The following DHX37 variants were observed in gnomAD, a reference collection of about 807,000 sequenced individuals.
DHX37 encodes probable ATP-dependent RNA helicase DHX37.
DHX37 carries 52 observed loss-of-function variants against 134.3 expected under a neutral mutation model. The ratio of observed to expected loss-of-function variants is 0.39; its 90% CI spans 0.31 to 0.49. The LOEUF (loss-of-function observed/expected upper bound fraction) is 0.49. Among genes scored for constraint, DHX37 ranks in the 20% least tolerant of loss-of-function variants. DHX37 has a pLI of 0.93. For synonymous variants in DHX37, 634 were observed against 670.7 expected (o/e 0.95, Z 0.85); for missense variants, 1,344 against 1,580.8 (o/e 0.85, Z 2.54).
intron 6 of DHX37, among the ~76,000 whole-genome samples, chr12:124,973,948 A>ATTT (rs71092253): frequency 3.7e-5 from 5 of 134,398 alleles, no homozygotes; most frequent in Admixed American, 7.6e-5. Context: ...CAGTCCCCAA[A>ATTT]TTTTTTTTTT....
Position 124,958,687 on chromosome 12 carries a change from C to T in DHX37, c.2158-1552G>A, listed in dbSNP as rs1398161834. Among the ~76,000 whole-genome samples the T allele has an allele frequency of 3.3e-5, 5 of 152,038 alleles. No homozygotes were observed. The South Asian group carries it at 6.2e-4, about 19-fold the overall frequency. ...TATCGCCCAGGCTAGAGTGCAACGG[C>T]GTGATCTCGGCTCACTGCAACCTCT... is the stretch of plus-strand genomic sequence containing the variant. On this transcript the variant is annotated intron_variant, in intron 16 of 26. Transcript: ENST00000308736.
intron 10 of DHX37, 125 bp from the exon 11 acceptor site, chr12:124,967,343 C>T (rs1954410337): frequency 2.8e-6 from 3 of 1,053,426 alleles, no homozygotes; most frequent in South Asian, 3.1e-5. Flanking sequence ...GACAGGAGTA[C>T]ACAGACATAG....
intron 8 of DHX37, 67 bp from the exon 9 acceptor site, chr12:124,969,035 G>A (rs7954294): frequency 0.03 from 44,709 of 1,491,612 alleles, 792 homozygotes; most frequent in South Asian, 0.04. Flanking sequence ...CTGGGAAATC[G>A]GCATGGGGGT....
intron 1 of DHX37, among the ~76,000 whole-genome samples, chr12:124,988,211 C>G (rs951071295): frequency 1.3e-5 from 2 of 151,982 alleles, no homozygotes; most frequent in Non-Finnish European, 2.9e-5. Flanking sequence ...AGCCCCAGTC[C>G]TCGCCAAGAC....
intron 2 of DHX37, among the ~76,000 whole-genome samples, chr12:124,983,921 G>C (rs1789550888): frequency 6.6e-6 from 1 of 152,222 alleles, no homozygotes; most frequent in Admixed American, 6.5e-5. Flanking sequence ...CCCACGTGCA[G>C]TGGCCTCACC....
chr12:124,952,463 C>T lies in DHX37; in HGVS notation c.2803G>A (p.Asp935Asn). The change falls in exon 21 of 27, where the codon GAC (aspartate) becomes AAC (asparagine). Residue 935 changes from aspartate to asparagine, a missense_variant. Physicochemically the swap from Asp to Asn is conservative, Grantham distance 23. This residue lies in a region of DHX37 where 558 missense variants were observed against 650.0 expected (regional missense o/e 0.86). Coordinates refer to ENST00000308736, the MANE Select transcript of DHX37 (RefSeq NM_032656.4). ...CTCTGGACCCTGCGGGCCAAGTGGT[C>T]CCCCAGGCCTGCCGTCACGATCTGT... ...LRQIVTAGLG[D>N]HLARRVQSEE... The T allele has an allele frequency of 1.2e-6, 2 of 1,611,200 alleles. No individual in the cohort carries two copies. The highest frequency in any genetic ancestry group is 1.7e-6 in the Non-Finnish European group (2 of 1,179,150).
intron 21 of DHX37, among the ~76,000 whole-genome samples, chr12:124,951,612 C>T (rs1311788480): frequency 6.6e-6 from 1 of 152,154 alleles, no homozygotes; most frequent in Non-Finnish European, 1.5e-5. Context: ...AAATGCAGGC[C>T]AGATGCAGTG....
chr12:124,950,636 A>ACCC, intron 22 of DHX37, 54 bp downstream of exon 22: 1 of 1,591,752 alleles, frequency 6.3e-7, no homozygotes, highest in Non-Finnish European at 8.6e-7. Context: ...TCCCAGCCAC[A>ACCC]CCCCCATTAG....
chr12:124,988,260 T>C (rs1954913322), intron 1 of DHX37, among the ~76,000 whole-genome samples: 1 of 152,042 alleles, frequency 6.6e-6, no homozygotes, highest in African/African-American at 2.4e-5. Context: ...CCCTGTTTTT[T>C]CTCTCATCTC....
At chr12:124,988,601 T>C (rs571672396) in intron 1 of DHX37, among the ~76,000 whole-genome samples, 13 of 152,066 alleles carry the variant, frequency 8.5e-5, no homozygotes, top group Admixed American at 5.2e-4. Context: ...AAATACACAT[T>C]TGGGGGTCGC....
At position 124,980,764 on chromosome 12, in the gene DHX37, C is replaced by T. The variant is rs982968240; in HGVS notation, c.464G>A (p.Arg155His). The T allele has an allele frequency of 5.8e-6, 9 of 1,556,916 alleles. No individual in the cohort carries two copies. In the East Asian group the frequency reaches 7.2e-5, roughly 12 times the overall value. Residue 155 changes from arginine to histidine, a missense_variant, in exon 4 of 27, where the codon CGC becomes CAC. Around this residue, in one of 7 missense-constraint regions of DHX37, gnomAD observed 319 missense variants for 296.1 expected, o/e 1.08. Transcript: ENST00000308736. This position sits in a 1 kb window ranked among gnomAD's most constrained non-coding sequence, Gnocchi z 5.3. ...CTCCTCCTCCTCAGCTGAGGGCCAGCGGCGACGCTTCCGGTGGGCACCGCT... is the reference window on the plus strand; with the variant it reads ...CTCCTCCTCCTCAGCTGAGGGCCAGTGGCGACGCTTCCGGTGGGCACCGCT... ...SLSGAHRKRR[R>H]WPSAEEEEEE...
At position 124,957,079 on chromosome 12, in the gene DHX37, C is replaced by A; in HGVS notation, c.2214G>T (p.Glu738Asp). The A allele has an allele frequency of 6.7e-7, 1 of 1,499,472 alleles. No homozygotes were observed. Among genetic ancestry groups the A allele is most frequent in the East Asian group, 2.5e-5 (1 of 40,134 alleles). 92.9% of individuals were successfully genotyped at this position (1,499,472 alleles called of 1,614,324 possible). Residue 738 changes from glutamate (E) to aspartate (D), a missense_variant, in exon 17 of 27, where the codon GAG (glutamate) becomes GAT (aspartate). Around this residue, in one of 7 missense-constraint regions of DHX37, gnomAD observed 558 missense variants for 650.0 expected, o/e 0.86. Coordinates refer to ENST00000308736, the MANE Select transcript of DHX37 (RefSeq NM_032656.4). ...PPSVEALLAA[E>D]ELLIALGALQ... ...GGGCACCCAGTGCGATCAACAGCTC[C>A]TCGGCGGCAAGAAGGGCTTCCACGG...
At chr12:124,975,376 C>T (rs58363220) in intron 6 of DHX37, 43 bp downstream of exon 6, 1 of 1,599,892 alleles carries the variant, frequency 6.3e-7, no homozygotes, top group East Asian at 2.2e-5. Context: ...GGCAAGGCCA[C>T]AGGACCACCC....
chr12:124,955,527 C>T (rs1292722370), intron 18 of DHX37, among the ~76,000 whole-genome samples: 1 of 152,234 alleles, frequency 6.6e-6, no homozygotes, highest in Non-Finnish European at 1.5e-5. Context: ...CCAGGCTGGT[C>T]TCAAATTCCT....
At chr12:124,978,842 G>A (rs1954699183) in intron 4 of DHX37, among the ~76,000 whole-genome samples, 1 of 151,756 alleles carries the variant, frequency 6.6e-6, no homozygotes, top group South Asian at 2.1e-4. Flanking sequence ...TGAGGTGGGA[G>A]GACCGCTTGA....
In DHX37 at chr12:124,957,236, C is replaced by T. The variant is rs117151293; in HGVS notation, c.2158-101G>A. Reference sequence around the variant, plus strand: ...AGGCACTCCCTCCAACCCCTCTCTCCGGGCTCAGCTCATGCCAGTGGGGAC... The same window carrying T: ...AGGCACTCCCTCCAACCCCTCTCTCTGGGCTCAGCTCATGCCAGTGGGGAC... On this transcript the variant is annotated intron_variant, in intron 16 of 26. Coordinates refer to ENST00000308736, the MANE Select transcript of DHX37 (RefSeq NM_032656.4). The T allele has an allele frequency of 5.8e-4, 655 of 1,136,426 alleles. 7 individuals are homozygous for T. In the East Asian group the frequency reaches 0.016, roughly 27 times the overall value. The allele number at this position is 1,136,426 out of a possible 1,614,324, so 70.4% of individuals were successfully genotyped here. A position where few individuals can be genotyped will look rare whatever the true frequency, so the allele number is the denominator to read the frequency against.
chr12:124,960,827 CATCTGTA>C (rs1954222915), intron 15 of DHX37, among the ~76,000 whole-genome samples: 1 of 152,206 alleles, frequency 6.6e-6, no homozygotes, highest in African/African-American at 2.4e-5. Flanking sequence ...CGGTGACGTG[CATCTGTA>C]GTCCCAGCTA....
chr12:124,965,109 T>G, intron 13 of DHX37, 103 bp from the exon 14 acceptor site: 1 of 1,315,660 alleles, frequency 7.6e-7, no homozygotes, highest in South Asian at 1.4e-5. Context: ...CCACCAGAGC[T>G]CCTTTCTTTG....
At position 124,947,801 on chromosome 12, in the gene DHX37, G is replaced by A; in HGVS notation, c.*1C>T. The A allele has an allele frequency of 6.4e-7, 1 of 1,570,370 alleles. No individual in the cohort carries two copies. The highest frequency in any genetic ancestry group is 8.6e-7 in the Non-Finnish European group (1 of 1,157,676). ...CCTCGGCCCTGCAGCCAGGTTTCTG[G>A]TCAGTGGACAGTGGTGGGGGGCCAG... On this transcript the variant is annotated 3_prime_UTR_variant, in exon 27 of 27. Transcript: ENST00000308736.
Sources: gnomAD v4.1 joint callset for allele counts (sites outside exome capture counted in the v4.1 genomes callset) on GRCh38, gnomAD v4.1.1 for gene constraint, gnomAD v4.1.1 regional missense constraint, Gnocchi (gnomAD v3.1) non-coding constraint, MANE v1.5 for transcripts, NCBI Gene and HGNC (gene_info 2026-07-23, HGNC 2026-07-21) for gene names.